Variants in ANKRD28 observed in about 807,000 individuals in gnomAD.
ANKRD28 encodes the protein serine/threonine-protein phosphatase 6 regulatory ankyrin repeat subunit A.
A neutral mutation model predicts 126.5 loss-of-function variants in ANKRD28; 44 were observed. The observed-to-expected ratio is 0.35, with a 90% CI of 0.27 to 0.45. ANKRD28 has a LOEUF of 0.45. Among genes scored for constraint, ANKRD28 ranks in the 20% least tolerant of loss-of-function variants. The pLI, the probability that ANKRD28 is intolerant of heterozygous loss-of-function variation, is 1.00. For synonymous variants in ANKRD28, 442 were observed against 468.5 expected (o/e 0.94, Z 0.73); for missense variants, 1,110 against 1,316.6 (o/e 0.84, Z 2.43).
At chr3:15,809,914 T>C (rs1445477191) in intron 1 of ANKRD28, among the ~76,000 whole-genome samples, 1 of 152,210 alleles carries the variant, frequency 6.6e-6, no homozygotes, top group Non-Finnish European at 1.5e-5. Flanking sequence ...ACCATGCCAC[T>C]ACATGCAGCT....
chr3:15,706,379 T>G (rs1166583975), intron 14 of ANKRD28, among the ~76,000 whole-genome samples: 1 of 152,072 alleles, frequency 6.6e-6, no homozygotes, highest in Non-Finnish European at 1.5e-5. Context: ...CTCAGAATGA[T>G]GTTTCCAGCT....
rs918123992 is a variant in ANKRD28, at chr3:15,670,498, G to A, written c.3024C>T (p.Leu1008=). Residue 1008 remains leucine, a synonymous_variant, in exon 28 of 28, where the codon CTC becomes CTT. Transcript: ENST00000683139. The part of the protein sequence containing the change: ...PNKDVADCLA[L]ILATMMPVSS... ...AGACAGGCATCATGGTGGCCAAAAT[G>A]AGAGCCAGGCAATCAGCCACATCCT... 1.1e-5 allele frequency: 17 copies of A among 1,613,880 alleles called. No individual in the cohort carries two copies. The Admixed American group carries it at 2.3e-4, about 22-fold the overall frequency.
At chr3:15,789,607 C>A (rs939724437) in intron 2 of ANKRD28, among the ~76,000 whole-genome samples, 2 of 151,928 alleles carry the variant, frequency 1.3e-5, no homozygotes, top group Non-Finnish European at 2.9e-5. Context: ...TTTTAAACAA[C>A]CCCAAATTAC....
chr3:15,677,528 A>G lies in ANKRD28; in HGVS notation c.2742T>C (p.Thr914=), dbSNP rs1339493120. ...MLVSSASAEL[T]LQDNSKNTAL... is the part of the protein sequence containing the mutation. ...CAGTATTTTTACTGTTATCTTGTAA[A>G]GTCAGTTCTGCACTAGCACTGCTAA... The change falls in exon 25 of 28, where the codon ACT becomes ACC. Residue 914 remains threonine (T), a synonymous_variant. Transcript: ENST00000683139. 5.6e-6 allele frequency: 9 copies of G among 1,613,102 alleles called. No homozygotes were observed. Among genetic ancestry groups the G allele is most frequent in the African/African-American group, 4.0e-5 (3 of 74,890 alleles).
chr3:15,711,235 C>T lies in ANKRD28; in HGVS notation c.1313G>A (p.Cys438Tyr). Residue 438 changes from cysteine to tyrosine, a missense_variant, in exon 12 of 28, where the codon TGT (cysteine) becomes TAT (tyrosine). Cys to Tyr is a radical substitution (Grantham distance 194). Transcript: ENST00000683139. ...IDTPDDFGRT[C>Y]LHAAAAGGNL... The stretch of plus-strand genomic sequence containing the variant: ...CCCTCCAGCTGCAGCTGCATGTAGA[C>T]AAGTCCTGCCAAAATCATCTGGGGT... 1 of 1,612,744 alleles carries T rather than the reference C, an allele frequency of 6.2e-7. No homozygotes were observed. The highest frequency in any genetic ancestry group is 8.5e-7 in the Non-Finnish European group (1 of 1,179,150).
intron 18 of ANKRD28, among the ~76,000 whole-genome samples, chr3:15,687,562 G>C (rs2068278871): frequency 6.6e-6 from 1 of 152,098 alleles, no homozygotes; most frequent in South Asian, 2.1e-4. Flanking sequence ...ATACAGAAAA[G>C]AACGTCTATC....
chr3:15,683,532 A>G (rs537853752), intron 21 of ANKRD28, among the ~76,000 whole-genome samples: 11 of 152,328 alleles, frequency 7.2e-5, no homozygotes, highest in Non-Finnish European at 1.5e-4. Context: ...TTAAGGTAGT[A>G]AAAAACAAAG....
intron 1 of ANKRD28, among the ~76,000 whole-genome samples, chr3:15,844,461 A>G (rs2061488823): frequency 1.3e-5 from 2 of 152,174 alleles, no homozygotes; most frequent in Non-Finnish European, 2.9e-5. Context: ...AAAAAAAACA[A>G]AACACCTCAA....
At position 15,795,312 on chromosome 3, in the gene ANKRD28, A is replaced by C; in HGVS notation, c.118-6T>G. 1 of 1,590,840 alleles carries C rather than the reference A, an allele frequency of 6.3e-7. No individual in the cohort carries two copies. The highest frequency in any genetic ancestry group is 8.6e-7 in the Non-Finnish European group (1 of 1,159,104). ...ATAGCTTGCACCAGTGATGGCTAAA[A>C]TAGAAGAGAGTAATAAAAACATTAG... On this transcript the variant is annotated splice_region_variant and splice_polypyrimidine_tract_variant and intron_variant, in intron 1 of 27. Transcript: ENST00000683139.
At chr3:15,758,109 A>C (rs1469634384) in intron 3 of ANKRD28, among the ~76,000 whole-genome samples, 1 of 152,340 alleles carries the variant, frequency 6.6e-6, no homozygotes, top group East Asian at 1.9e-4. Context: ...GTTTGTAATA[A>C]TTATAAATAG....
chr3:15,700,593 G>A (rs1009657159), intron 14 of ANKRD28, among the ~76,000 whole-genome samples: 1 of 152,122 alleles, frequency 6.6e-6, no homozygotes, highest in Non-Finnish European at 1.5e-5. Context: ...GGCCAACATG[G>A]TGAAATCTTG....
intron 14 of ANKRD28, among the ~76,000 whole-genome samples, chr3:15,704,683 T>C (rs947884175): frequency 2.0e-5 from 3 of 152,084 alleles, no homozygotes; most frequent in African/African-American, 4.8e-5. Context: ...TTGGGTACAA[T>C]TGTACCCAAT....
chr3:15,704,092 T>C (rs1434523520), intron 14 of ANKRD28, among the ~76,000 whole-genome samples: 1 of 152,180 alleles, frequency 6.6e-6, no homozygotes, highest in Non-Finnish European at 1.5e-5. Flanking sequence ...AAGACAGCCC[T>C]ATACGTATCT....
intron 4 of ANKRD28, among the ~76,000 whole-genome samples, chr3:15,737,975 A>G (rs565671089): frequency 8.5e-5 from 13 of 152,112 alleles, no homozygotes; most frequent in African/African-American, 2.4e-4. Flanking sequence ...AGGCAATTTA[A>G]GAGTCTACTG....
intron 14 of ANKRD28, among the ~76,000 whole-genome samples, chr3:15,705,666 T>C (rs999381881): frequency 3.9e-5 from 6 of 152,238 alleles, no homozygotes; most frequent in Admixed American, 3.3e-4. Flanking sequence ...AAACATACTT[T>C]ATATTCTTGC....
At chr3:15,682,136 T>C (rs1033571435) in intron 21 of ANKRD28, among the ~76,000 whole-genome samples, 1 of 152,182 alleles carries the variant, frequency 6.6e-6, no homozygotes, top group Non-Finnish European at 1.5e-5. Flanking sequence ...TTAAATTAGC[T>C]ATGAAGAGAT....
At chr3:15,755,209 G>A (rs2058090138) in intron 3 of ANKRD28, among the ~76,000 whole-genome samples, 1 of 152,062 alleles carries the variant, frequency 6.6e-6, no homozygotes, top group Non-Finnish European at 1.5e-5. Context: ...TAATTCCTTG[G>A]AAAATAAAGG....
intron 4 of ANKRD28, among the ~76,000 whole-genome samples, chr3:15,744,423 C>A (rs772754245): frequency 6.6e-6 from 1 of 151,932 alleles, no homozygotes; most frequent in African/African-American, 2.4e-5. Flanking sequence ...AAGCGATCCT[C>A]CTCAGCCTCC....
intron 17 of ANKRD28, among the ~76,000 whole-genome samples, chr3:15,693,523 A>G (rs1250664776): frequency 6.6e-6 from 1 of 152,166 alleles, no homozygotes; most frequent in Non-Finnish European, 1.5e-5. Context: ...TTAATATGCT[A>G]CTAGTTGAAT....
Sources: gnomAD v4.1 joint callset for allele counts (sites outside exome capture counted in the v4.1 genomes callset) on GRCh38, gnomAD v4.1.1 for gene constraint, MANE v1.5 for transcripts, NCBI Gene and HGNC (gene_info 2026-07-23, HGNC 2026-07-21) for gene names.